The following PIK3C2G variants were observed in gnomAD, a reference collection of about 807,000 sequenced individuals.
The protein encoded by PIK3C2G is phosphatidylinositol 3-kinase C2 domain-containing subunit gamma.
Under a neutral mutation model 181.1 loss-of-function variants are expected in PIK3C2G, and 168 were observed. The ratio of observed to expected loss-of-function variants is 0.93; its 90% CI spans 0.82 to 1.05. PIK3C2G has a LOEUF of 1.05. Among genes scored for constraint, PIK3C2G ranks in the 50% least tolerant of loss-of-function variants. The probability of loss-of-function intolerance (pLI) is 0.00; values close to 1 mark genes in which losing one functional copy is unlikely to be tolerated. For missense variants in PIK3C2G, 1,869 were observed against 1,732.8 expected, an observed-to-expected ratio of 1.08 and a Z score of -1.40; for synonymous variants, 573 against 592.2, an observed-to-expected ratio of 0.97 and a Z score of 0.47.
chr12:18,336,092 A>T (rs1308329941), intron 8 of PIK3C2G, among the ~76,000 whole-genome samples: 1 of 152,170 alleles, frequency 6.6e-6, no homozygotes, highest in Non-Finnish European at 1.5e-5. Context: ...CTGCATATAC[A>T]GTGTTTCATT....
chr12:18,639,926 A>G (rs910131543), intron 31 of PIK3C2G, among the ~76,000 whole-genome samples: 1 of 151,938 alleles, frequency 6.6e-6, no homozygotes, highest in Non-Finnish European at 1.5e-5. Flanking sequence ...TAGGTATATT[A>G]AAGTTATAGC....
chr12:18,624,876 T>A (rs898321451), intron 31 of PIK3C2G, among the ~76,000 whole-genome samples: 5 of 151,734 alleles, frequency 3.3e-5, no homozygotes, highest in Non-Finnish European at 7.4e-5. Context: ...TTGGTGCCAG[T>A]TGTAATAGCA....
intron 26 of PIK3C2G, among the ~76,000 whole-genome samples, chr12:18,559,194 A>G (rs979942914): frequency 5.9e-5 from 9 of 152,236 alleles, no homozygotes; most frequent in Non-Finnish European, 1.2e-4. Flanking sequence ...TGCTTGAATT[A>G]TATATGCTAA....
intron 15 of PIK3C2G, 147 bp from the exon 16 acceptor site, chr12:18,399,512 A>C (rs79947294): frequency 0.12 from 52,150 of 431,640 alleles, 3,342 homozygotes; most frequent in African/African-American, 0.14. Context: ...ACCTATGAAA[A>C]TATCCGAAGA....
chr12:18,686,720 G>T, the PIK3C2G span, among the ~76,000 whole-genome samples: 1 of 151,962 alleles, frequency 6.6e-6, no homozygotes, highest in Admixed American at 6.6e-5. Flanking sequence ...TTTACTTATA[G>T]CATCATCTTT....
At chr12:18,565,229 G>A (rs181653070) in intron 28 of PIK3C2G, among the ~76,000 whole-genome samples, 1 of 152,242 alleles carries the variant, frequency 6.6e-6, no homozygotes, top group Non-Finnish European at 1.5e-5. Flanking sequence ...TCATCTGGAA[G>A]GCATGATCAG....
the PIK3C2G span, chr12:18,695,151 GAAA>G: frequency 7.1e-7 from 1 of 1,404,902 alleles, no homozygotes; most frequent in Non-Finnish European, 1.0e-6. Context: ...ACCACTTACT[GAAA>G]TCTAATAATG....
chr12:18,450,323 A>C (rs1435880044), intron 18 of PIK3C2G, among the ~76,000 whole-genome samples: 1 of 152,066 alleles, frequency 6.6e-6, no homozygotes, highest in Non-Finnish European at 1.5e-5. Context: ...ATGAGGTTTC[A>C]CCATGTTGGC....
At chr12:18,557,504 C>T (rs1337232550) in intron 26 of PIK3C2G, among the ~76,000 whole-genome samples, 3 of 152,012 alleles carry the variant, frequency 2.0e-5, no homozygotes, top group Admixed American at 6.6e-5. Flanking sequence ...ATGTCATTAA[C>T]GTATAGCTAA....
In PIK3C2G at chr12:18,294,072, T is replaced by A. The variant is rs1591850632; in HGVS notation, c.1034+57T>A. The A allele has an allele frequency of 9.3e-6, 7 of 754,958 alleles. No individual in the cohort carries two copies. In the East Asian group the frequency reaches 1.8e-4, roughly 20 times the overall value. 46.8% of individuals were successfully genotyped at this position (754,958 alleles called of 1,614,324 possible). ...TAATCTGTAAATATTAAGTTACCACTTGTTTATGGTTTTGTTTTAAACAGA... is the reference window on the plus strand; with the variant it reads ...TAATCTGTAAATATTAAGTTACCACATGTTTATGGTTTTGTTTTAAACAGA... On this transcript the variant is annotated intron_variant, in intron 5 of 32. Coordinates refer to ENST00000538779, the MANE Select transcript of PIK3C2G (RefSeq NM_001288772.2).
chr12:18,566,687 A>ATATTT (rs1945652729), intron 28 of PIK3C2G, among the ~76,000 whole-genome samples: 4 of 152,164 alleles, frequency 2.6e-5, no homozygotes, highest in Admixed American at 6.5e-5. Flanking sequence ...GGTCTGCCAT[A>ATATTT]AATATAGTAA....
chr12:18,723,722 G>T, the PIK3C2G span, among the ~76,000 whole-genome samples: 299 of 152,186 alleles, frequency 2.0e-3, 1 homozygote, highest in African/African-American at 7.0e-3. Context: ...TTGGAAAAGG[G>T]TTAGTTAACT....
intron 18 of PIK3C2G, among the ~76,000 whole-genome samples, chr12:18,461,586 T>C (rs1158592924): frequency 6.6e-6 from 1 of 152,336 alleles, no homozygotes; most frequent in South Asian, 2.1e-4. Context: ...ACCAGCTGTT[T>C]CCTGCATCTC....
intron 24 of PIK3C2G, among the ~76,000 whole-genome samples, chr12:18,511,999 G>A (rs1489436265): frequency 6.6e-6 from 1 of 151,932 alleles, no homozygotes; most frequent in Non-Finnish European, 1.5e-5. Flanking sequence ...TGTGGTTGAT[G>A]TAAGCTAAGT....
intron 18 of PIK3C2G, among the ~76,000 whole-genome samples, chr12:18,444,431 ACT>A (rs1244308884): frequency 6.6e-6 from 1 of 152,182 alleles, no homozygotes; most frequent in Non-Finnish European, 1.5e-5. Flanking sequence ...TTTAGTAAAT[ACT>A]TATCAGTATT....
intron 18 of PIK3C2G, among the ~76,000 whole-genome samples, chr12:18,462,653 G>T (rs1207147204): frequency 6.6e-6 from 1 of 152,162 alleles, no homozygotes; most frequent in Non-Finnish European, 1.5e-5. Context: ...TTGTTAGGCT[G>T]CAAGAGAATC....
chr12:18,378,902 T>G (rs1373193961), intron 13 of PIK3C2G, among the ~76,000 whole-genome samples: 1 of 152,166 alleles, frequency 6.6e-6, no homozygotes, highest in African/African-American at 2.4e-5. Flanking sequence ...AGGAACACTT[T>G]TACACTGTTG....
the PIK3C2G span, among the ~76,000 whole-genome samples, chr12:18,670,134 C>T: frequency 6.6e-6 from 1 of 152,080 alleles, no homozygotes; most frequent in African/African-American, 2.4e-5. Flanking sequence ...CATAAACATT[C>T]CATTCACAAC....
At chr12:18,361,866 T>C (rs1941262990) in intron 11 of PIK3C2G, among the ~76,000 whole-genome samples, 1 of 152,190 alleles carries the variant, frequency 6.6e-6, no homozygotes. Context: ...GTTGGACATA[T>C]GCTCCTTTCT....
Sources: gnomAD v4.1 joint callset for allele counts (sites outside exome capture counted in the v4.1 genomes callset) on GRCh38, gnomAD v4.1.1 for gene constraint, MANE v1.5 for transcripts, NCBI Gene and HGNC (gene_info 2026-07-23, HGNC 2026-07-21) for gene names.